SLCO1C1: variants seen among roughly 807,000 people sequenced by gnomAD.
SLCO1C1 encodes solute carrier organic anion transporter family member 1C1.
In SLCO1C1, 70 loss-of-function variants were observed where a neutral mutation model predicts 76.4. That is an observed-to-expected ratio of 0.92 (90% CI 0.76 to 1.12). The LOEUF is 1.12. Ranked by LOEUF, SLCO1C1 falls within the 50% of genes most tolerant of loss-of-function variation. The pLI is 0.00. For missense variants in SLCO1C1, 912 were observed against 823.8 expected (o/e 1.11, Z -1.31); for synonymous variants, 306 against 286.1 (o/e 1.07, Z -0.70).
chr12:20,737,645 G>A (rs910790794), intron 11 of SLCO1C1, among the ~76,000 whole-genome samples: 1 of 152,106 alleles, frequency 6.6e-6, no homozygotes, highest in East Asian at 1.9e-4. Context: ...GAGGTTTTAG[G>A]GAATGAACAA....
chr12:20,749,651 C>T (rs1949203387), intron 13 of SLCO1C1, among the ~76,000 whole-genome samples: 1 of 152,176 alleles, frequency 6.6e-6, no homozygotes, highest in Non-Finnish European at 1.5e-5. Context: ...ACATGAGAGA[C>T]ACATTTTCTC....
intron 10 of SLCO1C1, among the ~76,000 whole-genome samples, chr12:20,734,469 G>A (rs904184043): frequency 1.3e-5 from 2 of 152,146 alleles, no homozygotes; most frequent in Non-Finnish European, 2.9e-5. Context: ...TCACGGTAGA[G>A]GGACAGTTGT....
chr12:20,732,856 A>T, intron 9 of SLCO1C1, 53 bp from the exon 10 acceptor site: 2 of 1,587,846 alleles, frequency 1.3e-6, no homozygotes, highest in Middle Eastern at 1.7e-4. Context: ...GTGTTAGTAC[A>T]CTCAAATCTT....
intron 9 of SLCO1C1, among the ~76,000 whole-genome samples, chr12:20,726,061 T>A (rs1947970308): frequency 1.3e-5 from 2 of 152,102 alleles, no homozygotes; most frequent in Non-Finnish European, 2.9e-5. Flanking sequence ...TAAGCGTAAG[T>A]GGGCCAATTA....
intron 9 of SLCO1C1, among the ~76,000 whole-genome samples, chr12:20,726,903 C>CTT (rs1214684759): frequency 6.6e-6 from 1 of 152,120 alleles, no homozygotes; most frequent in African/African-American, 2.4e-5. Context: ...TTGTTCCCAA[C>CTT]TTTATGTCCA....
intron 13 of SLCO1C1, among the ~76,000 whole-genome samples, chr12:20,745,400 T>C (rs1948997003): frequency 6.6e-6 from 1 of 152,182 alleles, no homozygotes; most frequent in Admixed American, 6.5e-5. Flanking sequence ...GGATTTATAG[T>C]CATTATTAGT....
chr12:20,697,021 T>C (rs1946298961), intron 1 of SLCO1C1: 2 of 152,126 alleles, frequency 1.3e-5, no homozygotes, highest in South Asian at 2.1e-4. Flanking sequence ...CAGTGATTTT[T>C]GTGTCAACAC....
At chr12:20,736,591 C>G (rs1948555118) in intron 10 of SLCO1C1, among the ~76,000 whole-genome samples, 1 of 152,078 alleles carries the variant, frequency 6.6e-6, no homozygotes, top group South Asian at 2.1e-4. Context: ...GGACATGTAA[C>G]TCCTGCAAAC....
rs1949047979 is a variant in SLCO1C1, at chr12:20,746,461, T to C, written c.1798+3092T>C. 2.7e-5 allele frequency among the ~76,000 whole-genome samples: 4 copies of C among 147,076 alleles called. No homozygotes were observed. In the Admixed American group the frequency reaches 2.9e-4, roughly 11 times the overall value. On this transcript the variant is annotated intron_variant, in intron 13 of 14. Coordinates refer to ENST00000266509, the MANE Select transcript of SLCO1C1 (RefSeq NM_017435.5). ...CTTCGAGAAAAACCCAAATACTTTC[T>C]ATAAGAAGCATAGATTAAAAAAAAA...
chr12:20,744,268 A>C (rs1948943599), intron 13 of SLCO1C1, among the ~76,000 whole-genome samples: 1 of 152,118 alleles, frequency 6.6e-6, no homozygotes, highest in Non-Finnish European at 1.5e-5. Flanking sequence ...CCCCATATCT[A>C]CCTGTGTTTG....
At chr12:20,701,540 TG>T in intron 3 of SLCO1C1, 81 bp downstream of exon 3, 1 of 1,154,582 alleles carries the variant, frequency 8.7e-7, no homozygotes. Flanking sequence ...TGCATTCTAT[TG>T]TCTGCTGGGA....
intron 2 of SLCO1C1, 82 bp from the exon 3 acceptor site, chr12:20,701,236 T>A (rs1946511339): frequency 7.8e-7 from 1 of 1,277,210 alleles, no homozygotes; most frequent in African/African-American, 1.5e-5. Flanking sequence ...TTGTTTGTTT[T>A]GTATTTGTTT....
chr12:20,742,237 C>T (rs1948847621), intron 12 of SLCO1C1, among the ~76,000 whole-genome samples: 1 of 152,024 alleles, frequency 6.6e-6, no homozygotes, highest in Non-Finnish European at 1.5e-5. Context: ...AGGTTGCTTA[C>T]CACAGAAAGC....
rs756676168 is a variant in SLCO1C1, at chr12:20,699,533, T to C, written c.-25-19T>C. The stretch of plus-strand genomic sequence containing the variant: ...GCGTAGTATTTATTTATTTTTACTT[T>C]AAAAACTAACTTTGACAGATCAGAG... On this transcript the variant is annotated intron_variant, in intron 1 of 14. Transcript: ENST00000266509. The C allele has an allele frequency of 7.2e-6, 11 of 1,536,932 alleles. No homozygotes were observed. Among genetic ancestry groups the C allele is most frequent in the Non-Finnish European group, 8.7e-6 (10 of 1,148,234 alleles).
At chr12:20,729,965 C>A (rs1254136436) in intron 9 of SLCO1C1, among the ~76,000 whole-genome samples, 1 of 151,880 alleles carries the variant, frequency 6.6e-6, no homozygotes, top group African/African-American at 2.4e-5. Flanking sequence ...TGCAGATGTC[C>A]CTAGGATTAT....
At chr12:20,722,912 G>A (rs983790675) in intron 8 of SLCO1C1, among the ~76,000 whole-genome samples, 178 bp from the exon 9 acceptor site, 2 of 152,128 alleles carry the variant, frequency 1.3e-5, no homozygotes, top group Non-Finnish European at 2.9e-5. Flanking sequence ...TGGCCAGATC[G>A]CAGGCTTGAC....
chr12:20,750,923 G>T, intron 14 of SLCO1C1, 131 bp downstream of exon 14: 1 of 1,535,198 alleles, frequency 6.5e-7, no homozygotes, highest in South Asian at 1.2e-5. Context: ...CAAAAAGTGT[G>T]ATCTGTAGTC....
intron 9 of SLCO1C1, among the ~76,000 whole-genome samples, chr12:20,724,391 T>A (rs1440899914): frequency 7.3e-6 from 1 of 136,172 alleles, no homozygotes; most frequent in African/African-American, 2.8e-5. Context: ...TTGATATATA[T>A]AATGTGTGTG....
intron 13 of SLCO1C1, among the ~76,000 whole-genome samples, chr12:20,750,413 G>T (rs1385543418): frequency 3.3e-5 from 5 of 152,136 alleles, no homozygotes; most frequent in African/African-American, 1.2e-4. Flanking sequence ...AGGTCTATAG[G>T]GGAAGAAGTT....
Sources: allele counts gnomAD v4.1 joint callset (sites outside exome capture counted in the v4.1 genomes callset), GRCh38; gene constraint gnomAD v4.1.1; transcripts MANE v1.5; gene names NCBI Gene and HGNC (gene_info 2026-07-23, HGNC 2026-07-21).